The following P2RY12 variants were observed in gnomAD, a reference collection of about 807,000 sequenced individuals.
P2RY12 encodes P2Y purinoceptor 12.
In P2RY12, 3 loss-of-function variants were observed where a neutral mutation model predicts 4.5. The observed-to-expected ratio is 0.67, with a 90% CI of 0.31 to 1.74. The LOEUF (loss-of-function observed/expected upper bound fraction) is 1.74, where lower values mean the gene tolerates loss of function less well. P2RY12 is among the 40% of genes most tolerant of loss of function. P2RY12 has a pLI of 0.09. For synonymous variants in P2RY12, 148 were observed against 154.1 expected (o/e 0.96, Z 0.29); for missense variants, 356 against 407.8 (o/e 0.87, Z 1.09).
At chr3:151,344,066 C>A (rs573921532) in intron 1 of P2RY12, among the ~76,000 whole-genome samples, 3 of 152,038 alleles carry the variant, frequency 2.0e-5, no homozygotes, top group Non-Finnish European at 1.5e-5. Flanking sequence ...CCAAAAGTAA[C>A]GAGTCTTGGG....
chr3:151,365,936 TTTG>T, intron 1 of P2RY12: 2 of 1,613,512 alleles, frequency 1.2e-6, no homozygotes, highest in Non-Finnish European at 1.7e-6. Context: ...CTGAAGGCTC[TTTG>T]TTGTTCTTCA....
chr3:151,351,040 C>T (rs964932980), intron 1 of P2RY12, among the ~76,000 whole-genome samples: 2 of 152,150 alleles, frequency 1.3e-5, no homozygotes, highest in Admixed American at 6.5e-5. Flanking sequence ...TTTGTGTTTA[C>T]TCTATGTAAA....
At chr3:151,363,743 G>A (rs1443054217) in intron 1 of P2RY12, among the ~76,000 whole-genome samples, 1 of 152,162 alleles carries the variant, frequency 6.6e-6, no homozygotes. Flanking sequence ...CTTGATTTAT[G>A]TGGGAGATCT....
In P2RY12 at chr3:151,340,598, G is replaced by C. The variant is rs189767282; in HGVS notation, c.-17C>G. 6.6e-5 allele frequency: 10 copies of C among 152,564 alleles called. No homozygotes were observed. The highest frequency in any genetic ancestry group is 1.3e-4 in the Admixed American group (2 of 15,250). The allele number at this position is 152,564 out of a possible 1,614,324, so 9.5% of individuals were successfully genotyped here. Reference sequence around the variant, plus strand: ...AGTACTTGTAGAAATAACATTACCTGATAACTGTTGATTCTGGAGGGTTTG... The same window carrying C: ...AGTACTTGTAGAAATAACATTACCTCATAACTGTTGATTCTGGAGGGTTTG... On this transcript the variant is annotated splice_region_variant and 5_prime_UTR_variant, in exon 2 of 3. The change creates a new upstream start codon in the 5' untranslated region. Coordinates refer to ENST00000302632, the MANE Select transcript of P2RY12 (RefSeq NM_022788.5).
intron 1 of P2RY12, among the ~76,000 whole-genome samples, chr3:151,359,673 G>A (rs1368911986): frequency 2.0e-5 from 3 of 152,114 alleles, no homozygotes; most frequent in Non-Finnish European, 2.9e-5. Context: ...CAATAAGGAT[G>A]GTGAATCAGA....
intron 1 of P2RY12, among the ~76,000 whole-genome samples, chr3:151,349,419 T>A (rs56957964): frequency 0.027 from 4,183 of 152,252 alleles, 183 homozygotes; most frequent in African/African-American, 0.096. Flanking sequence ...TAAATATACA[T>A]GTATCTCACA....
At chr3:151,376,992 G>A (rs1201877999) in intron 1 of P2RY12, 1 of 1,613,632 alleles carries the variant, frequency 6.2e-7, no homozygotes, top group South Asian at 1.1e-5. Context: ...TAACTCTAGG[G>A]CTCTGGTTCT....
chr3:151,366,060 G>T, intron 1 of P2RY12: 1 of 1,287,354 alleles, frequency 7.8e-7, no homozygotes, highest in Non-Finnish European at 1.0e-6. Context: ...TAATCTTTTT[G>T]CTTTTGGCTT....
chr3:151,378,231 A>C, intron 1 of P2RY12: 4 of 1,480,660 alleles, frequency 2.7e-6, no homozygotes, highest in Non-Finnish European at 3.6e-6. Flanking sequence ...AGAAAGTCTC[A>C]CTTCCTGTAA....
chr3:151,383,208 T>C (rs1320855451), intron 1 of P2RY12, among the ~76,000 whole-genome samples: 2 of 152,258 alleles, frequency 1.3e-5, no homozygotes, highest in African/African-American at 4.8e-5. Flanking sequence ...CCTTGAGTTT[T>C]CTTTTCCCAT....
chr3:151,347,104 G>C (rs1443832939), intron 1 of P2RY12, among the ~76,000 whole-genome samples: 1 of 151,934 alleles, frequency 6.6e-6, no homozygotes, highest in East Asian at 1.9e-4. Flanking sequence ...TCTTCATTTT[G>C]CTTCTTAGTC....
intron 1 of P2RY12, among the ~76,000 whole-genome samples, chr3:151,374,373 C>T (rs557386747): frequency 2.0e-5 from 3 of 152,112 alleles, no homozygotes; most frequent in Non-Finnish European, 4.4e-5. Context: ...CATGGTGAAA[C>T]CCCATCTCTA....
chr3:151,349,865 T>TC (rs1371304007), intron 1 of P2RY12, among the ~76,000 whole-genome samples: 1 of 151,856 alleles, frequency 6.6e-6, no homozygotes, highest in Non-Finnish European at 1.5e-5. Context: ...TTTTTTTTTT[T>TC]TTTATAATGT....
chr3:151,351,679 G>A (rs777999366), intron 1 of P2RY12, among the ~76,000 whole-genome samples: 9 of 152,188 alleles, frequency 5.9e-5, no homozygotes, highest in East Asian at 5.8e-4. Flanking sequence ...TGGCAATGGG[G>A]TAGGGGGGAG....
chr3:151,370,060 A>G (rs987886389), intron 1 of P2RY12, among the ~76,000 whole-genome samples: 2 of 152,136 alleles, frequency 1.3e-5, no homozygotes, highest in Non-Finnish European at 2.9e-5. Flanking sequence ...AATGATGTTG[A>G]TATTATTGAT....
intron 1 of P2RY12, among the ~76,000 whole-genome samples, chr3:151,358,130 A>G (rs1187229773): frequency 6.6e-6 from 1 of 152,154 alleles, no homozygotes; most frequent in African/African-American, 2.4e-5. Flanking sequence ...AATCTAGCAC[A>G]TGTAATCAAT....
intron 1 of P2RY12, among the ~76,000 whole-genome samples, chr3:151,341,592 T>TATA (rs1427616700): frequency 6.6e-6 from 1 of 151,588 alleles, no homozygotes; most frequent in Non-Finnish European, 1.5e-5. Context: ...TTATTATTAT[T>TATA]ATACGTTAAG....
chr3:151,349,204 T>C (rs1752930063), intron 1 of P2RY12, among the ~76,000 whole-genome samples: 1 of 152,230 alleles, frequency 6.6e-6, no homozygotes, highest in Non-Finnish European at 1.5e-5. Context: ...TGTTCAGTGG[T>C]GTGCATATGC....
chr3:151,380,008 C>T, intron 1 of P2RY12: 2 of 679,972 alleles, frequency 2.9e-6, no homozygotes, highest in Non-Finnish European at 2.4e-6. Context: ...GGCTATTTAC[C>T]ACCTCTCTTA....
Sources: allele counts gnomAD v4.1 joint callset (sites outside exome capture counted in the v4.1 genomes callset), GRCh38; gene constraint gnomAD v4.1.1; transcripts MANE v1.5; gene names NCBI Gene and HGNC (gene_info 2026-07-23, HGNC 2026-07-21).